SLC12A6: variants seen among roughly 807,000 people sequenced by gnomAD.
SLC12A6 encodes the protein solute carrier family 12 member 6.
SLC12A6 carries 66 observed loss-of-function variants against 135.3 expected under a neutral mutation model. That is an observed-to-expected ratio of 0.49 (90% CI 0.40 to 0.60). SLC12A6 has a LOEUF of 0.60. Among genes scored for constraint, SLC12A6 ranks in the 20% least tolerant of loss-of-function variants. SLC12A6 has a pLI of 0.00. For synonymous variants in SLC12A6, 513 were observed against 508.8 expected (o/e 1.01, Z -0.11); for missense variants, 1,058 against 1,452.3 (o/e 0.73, Z 4.41).
rs200946966 is a variant in SLC12A6, at chr15:34,239,136, C to T, written c.2461G>A (p.Glu821Lys). The change falls in exon 20 of 26, where the codon GAG (glutamate) becomes AAG (lysine). Residue 821 changes from glutamate to lysine, a missense_variant. Physicochemically the swap from Glu to Lys is moderately conservative, Grantham distance 56. Around this residue, in one of 6 missense-constraint regions of SLC12A6, gnomAD observed 245 missense variants for 440.8 expected, o/e 0.56. Transcript: ENST00000354181. ...AGCTGGCAGAATCCTTTTACCTTCTCTGCCTCCATTAGGTGCTTTATGGTC... is the reference window on the plus strand; with the variant it reads ...AGCTGGCAGAATCCTTTTACCTTCTTTGCCTCCATTAGGTGCTTTATGGTC... ...EQTIKHLMEA[E>K]KVKGFCQLVV... 1 of 1,613,962 alleles carries T rather than the reference C, an allele frequency of 6.2e-7. No homozygotes were observed. Among genetic ancestry groups the T allele is most frequent in the East Asian group, 2.2e-5 (1 of 44,888 alleles).
At chr15:34,318,707 TC>T (rs1303518636) in intron 2 of SLC12A6, 1 of 1,613,156 alleles carries the variant, frequency 6.2e-7, no homozygotes, top group Admixed American at 1.7e-5. Context: ...CTTTGCTCTT[TC>T]TGTATTTAAA....
In SLC12A6 at chr15:34,336,466, G is replaced by C. The variant is rs1890203408; in HGVS notation, c.215C>G (p.Thr72Ser). 2 of 1,613,910 alleles carry C rather than the reference G, an allele frequency of 1.2e-6. No individual in the cohort carries two copies. The highest frequency in any genetic ancestry group is 2.7e-5 in the African/African-American group (2 of 75,046). The change falls in exon 2 of 26, where the codon ACT becomes AGT. Residue 72 changes from threonine to serine, a missense_variant. This residue lies in a region of SLC12A6 where 176 missense variants were observed against 168.9 expected (regional missense o/e 1.04). Transcript: ENST00000354181. The part of the protein sequence containing the change: ...EMSGATTSLA[T>S]VALDPPSDRT... ...GTCACTGGGTGGATCCAGTGCAACA[G>C]TTGCCAGCGAAGTGGTGGCCCCAGA...
chr15:34,296,058 T>C (rs112556301), intron 2 of SLC12A6, among the ~76,000 whole-genome samples: 2,478 of 152,318 alleles, frequency 0.016, 74 homozygotes, highest in African/African-American at 0.057. Context: ...TAATAGTAAT[T>C]GTTAAGGACT....
intron 2 of SLC12A6, among the ~76,000 whole-genome samples, chr15:34,328,996 C>T (rs960473235): frequency 6.6e-6 from 1 of 152,212 alleles, no homozygotes; most frequent in African/African-American, 2.4e-5. Flanking sequence ...ACTTATAAAA[C>T]TTCATTAAAA....
At position 34,258,933 on chromosome 15, in the gene SLC12A6, G is replaced by A. The variant is rs1892933309; in HGVS notation, c.423C>T (p.Asp141=). ...GGAGGGAAGACACCTTCGGTCTGGT[G>A]TCCATTTCTTCCTATAAAGCCAGTG... ...KNLALFEEEM[D]TRPKVSSLLN... The change falls in exon 5 of 26, where the codon GAC becomes GAT. Residue 141 remains aspartate, a synonymous_variant. Coordinates refer to ENST00000354181, the MANE Select transcript of SLC12A6 (RefSeq NM_001365088.1). 1 of 1,610,500 alleles carries A rather than the reference G, an allele frequency of 6.2e-7. No individual in the cohort carries two copies. The highest frequency in any genetic ancestry group is 8.5e-7 in the Non-Finnish European group (1 of 1,176,706).
chr15:34,279,153 A>G (rs979865749), intron 2 of SLC12A6, among the ~76,000 whole-genome samples: 7 of 151,756 alleles, frequency 4.6e-5, no homozygotes, highest in Admixed American at 1.3e-4. Context: ...CATCTCTACT[A>G]AAAATACAAA....
Position 34,240,649 on chromosome 15 carries a change from CCTGA to C in SLC12A6, c.2436+8_2436+11del, listed in dbSNP as rs780770535. The C allele has an allele frequency of 6.2e-7, 1 of 1,612,028 alleles. No individual in the cohort carries two copies. Among genetic ancestry groups the C allele is most frequent in the Non-Finnish European group, 8.5e-7 (1 of 1,178,084 alleles). On this transcript the variant is annotated splice_region_variant and intron_variant, in intron 19 of 25. Transcript: ENST00000354181. ...AAACTGAGTTCCAATACCTCAAAAG[CCTGA>C]CTCTTACCTGCTCAGCAGCTAAAGC... is the stretch of plus-strand genomic sequence containing the variant.
At chr15:34,291,583 A>G (rs1208973956) in intron 2 of SLC12A6, among the ~76,000 whole-genome samples, 1 of 152,084 alleles carries the variant, frequency 6.6e-6, no homozygotes, top group East Asian at 1.9e-4. Flanking sequence ...GTGTTTTCTA[A>G]CTTGGTTTCA....
intron 2 of SLC12A6, among the ~76,000 whole-genome samples, chr15:34,287,917 G>C (rs569606953): frequency 1.3e-5 from 2 of 152,034 alleles, no homozygotes; most frequent in African/African-American, 4.8e-5. Flanking sequence ...ATTTTCTCCC[G>C]TTCTGTAGGT....
intron 2 of SLC12A6, among the ~76,000 whole-genome samples, chr15:34,319,778 G>A (rs895469905): frequency 2.0e-5 from 3 of 150,034 alleles, no homozygotes; most frequent in African/African-American, 7.4e-5. Context: ...CAGCCTGAGC[G>A]ACAGAGCGAG....
chr15:34,308,645 A>C (rs1337725512), intron 2 of SLC12A6, among the ~76,000 whole-genome samples: 2 of 146,646 alleles, frequency 1.4e-5, no homozygotes, highest in African/African-American at 2.7e-5. Context: ...AAAAAAAAAA[A>C]AAAAAAACAA....
rs746113605 is a variant in SLC12A6, at chr15:34,242,237, CA to C, written c.2043-17del. ...AGAAAGGGCCCTAGAAAATTAAAAA[CA>C]AAAAAGTATCTTTTAAAGTAGCTGA... is the stretch of plus-strand genomic sequence containing the variant. On this transcript the variant is annotated splice_polypyrimidine_tract_variant and intron_variant, in intron 16 of 25. Transcript: ENST00000354181. 44 of 1,578,262 alleles carry C rather than the reference CA, an allele frequency of 2.8e-5. No homozygotes were observed. The African/African-American group carries it at 3.6e-4, about 13-fold the overall frequency.
chr15:34,240,059 C>T (rs1040992709), intron 19 of SLC12A6, among the ~76,000 whole-genome samples: 1 of 152,042 alleles, frequency 6.6e-6, no homozygotes, highest in African/African-American at 2.4e-5. Flanking sequence ...ATTAACTCGT[C>T]ATTTACATTA....
intron 2 of SLC12A6, among the ~76,000 whole-genome samples, chr15:34,333,123 C>T (rs1261557154): frequency 1.3e-5 from 2 of 151,760 alleles, no homozygotes; most frequent in Non-Finnish European, 2.9e-5. Flanking sequence ...ACATGTGGTG[C>T]TTTTCAAAAA....
At position 34,251,405 on chromosome 15, in the gene SLC12A6, G is replaced by A. The variant is rs113731887; in HGVS notation, c.1334-348C>T. On this transcript the variant is annotated intron_variant, in intron 10 of 25. Coordinates refer to ENST00000354181, the MANE Select transcript of SLC12A6 (RefSeq NM_001365088.1). ...TGGGACTACAGGCGCCTGCCACCACGCCCAGCTAATTTTTTATATTTTTAG... is the reference window on the plus strand; with the variant it reads ...TGGGACTACAGGCGCCTGCCACCACACCCAGCTAATTTTTTATATTTTTAG... Among the ~76,000 whole-genome samples, 266 of 151,932 alleles carry A rather than the reference G, an allele frequency of 1.8e-3. 3 individuals carry two copies. Among genetic ancestry groups the A allele is most frequent in the African/African-American group, 6.1e-3 (253 of 41,452 alleles).
At chr15:34,263,423 T>A (rs531627276) in intron 3 of SLC12A6, among the ~76,000 whole-genome samples, 33 of 152,006 alleles carry the variant, frequency 2.2e-4, no homozygotes, top group African/African-American at 7.7e-4. Context: ...GGCAGGTTTG[T>A]GGGGGAGTTG....
chr15:34,235,509 ACAG>A (rs997349291), intron 24 of SLC12A6, among the ~76,000 whole-genome samples, 195 bp from the exon 25 acceptor site: 4 of 145,132 alleles, frequency 2.8e-5, no homozygotes, highest in Non-Finnish European at 5.9e-5. Flanking sequence ...ATCTCAGCTC[ACAG>A]CAACCTCCGC....
chr15:34,292,219 T>C (rs1334016434), intron 2 of SLC12A6, among the ~76,000 whole-genome samples: 1 of 152,218 alleles, frequency 6.6e-6, no homozygotes, highest in East Asian at 1.9e-4. Context: ...TTCTGTTTGC[T>C]AGTTTTCCTT....
In SLC12A6 at chr15:34,269,718, CTCTT is replaced by C. The variant is rs558266269; in HGVS notation, c.316+5623_316+5626del. Among the ~76,000 whole-genome samples, 383 of 151,664 alleles carry C rather than the reference CTCTT, an allele frequency of 2.5e-3. 1 individual carries two copies. The highest frequency in any genetic ancestry group is 9.1e-3 in the African/African-American group (374 of 41,234). On this transcript the variant is annotated intron_variant, in intron 3 of 25. Coordinates refer to ENST00000354181, the MANE Select transcript of SLC12A6 (RefSeq NM_001365088.1). ...CATCCATGTGATGCTGTTTAACATG[CTCTT>C]TTTTTTTTTGTAATTCCTATAAATT...
Sources: gnomAD v4.1 joint callset for allele counts (sites outside exome capture counted in the v4.1 genomes callset) on GRCh38, gnomAD v4.1.1 for gene constraint, gnomAD v4.1.1 regional missense constraint, MANE v1.5 for transcripts, NCBI Gene and HGNC (gene_info 2026-07-23, HGNC 2026-07-21) for gene names.